CTNNA3: variants seen among roughly 807,000 people sequenced by gnomAD.
CTNNA3 encodes catenin alpha-3.
CTNNA3 carries 76 observed loss-of-function variants against 95.7 expected under a neutral mutation model. The observed-to-expected ratio is 0.79, with a 90% CI of 0.66 to 0.96. CTNNA3 has a LOEUF of 0.96. Ranked by LOEUF, CTNNA3 falls within the 40% of genes least tolerant of loss-of-function variation. The pLI, the probability that CTNNA3 is intolerant of heterozygous loss-of-function variation, is 0.00. For synonymous variants in CTNNA3, 431 were observed against 374.4 expected (o/e 1.15, Z -1.74); for missense variants, 1,191 against 1,089.8 (o/e 1.09, Z -1.31).
intron 13 of CTNNA3, among the ~76,000 whole-genome samples, chr10:66,115,006 A>G (rs1310519811): frequency 2.6e-5 from 4 of 152,208 alleles, no homozygotes; most frequent in Non-Finnish European, 5.9e-5. Context: ...AAGTTGTTAC[A>G]AAACATTTTT....
chr10:66,542,343 G>T (rs1841884189), intron 10 of CTNNA3, among the ~76,000 whole-genome samples: 1 of 151,962 alleles, frequency 6.6e-6, no homozygotes, highest in Non-Finnish European at 1.5e-5. Flanking sequence ...ATTCCTCAGG[G>T]GTCTAGAACT....
chr10:66,611,990 T>C (rs1056646634), intron 10 of CTNNA3, among the ~76,000 whole-genome samples: 1 of 152,134 alleles, frequency 6.6e-6, no homozygotes, highest in East Asian at 1.9e-4. Context: ...CATCTCAACC[T>C]GGATCTTCTG....
chr10:66,796,292 T>G (rs1458339790), intron 7 of CTNNA3, among the ~76,000 whole-genome samples: 1 of 152,096 alleles, frequency 6.6e-6, no homozygotes, highest in African/African-American at 2.4e-5. Flanking sequence ...GGTTATTAAT[T>G]GACCTAATTT....
intron 1 of CTNNA3, among the ~76,000 whole-genome samples, chr10:67,674,286 T>C (rs983397350): frequency 7.2e-5 from 11 of 151,934 alleles, no homozygotes; most frequent in African/African-American, 2.4e-4. Flanking sequence ...AATGTGCACA[T>C]AGAGGGGCAA....
At chr10:66,820,642 TAA>T (rs58323145) in intron 7 of CTNNA3, among the ~76,000 whole-genome samples, 4,370 of 129,394 alleles carry the variant, frequency 0.034, 236 homozygotes, top group East Asian at 0.27. Context: ...GAAGTGAAAG[TAA>T]AAAAAAAAAA....
At chr10:67,386,009 C>T (rs1844146564) in intron 5 of CTNNA3, among the ~76,000 whole-genome samples, 1 of 152,122 alleles carries the variant, frequency 6.6e-6, no homozygotes, top group African/African-American at 2.4e-5. Flanking sequence ...ATACCATCAC[C>T]TTATCTGCTT....
At chr10:66,746,977 T>A (rs777319619) in intron 9 of CTNNA3, among the ~76,000 whole-genome samples, 15 of 152,198 alleles carry the variant, frequency 9.9e-5, no homozygotes, top group Non-Finnish European at 1.8e-4. Context: ...TATAGATTTT[T>A]AGTCAGTAAT....
chr10:66,156,956 G>A (rs2084539666), intron 13 of CTNNA3, among the ~76,000 whole-genome samples: 1 of 151,904 alleles, frequency 6.6e-6, no homozygotes, highest in Admixed American at 6.6e-5. Context: ...ACAGACTGAT[G>A]AGGAGGACGT....
At chr10:67,643,006 A>C (rs1158707134) in intron 2 of CTNNA3, among the ~76,000 whole-genome samples, 1 of 152,082 alleles carries the variant, frequency 6.6e-6, no homozygotes, top group Non-Finnish European at 1.5e-5. Context: ...ATTCCATTAT[A>C]AAGATACATG....
At position 65,972,794 on chromosome 10, in the gene CTNNA3, C is replaced by T. The variant is rs117801388; in HGVS notation, c.2266-6048G>A. Reference sequence around the variant, plus strand: ...CTCAAAGCAATCTACAGATTCAATGCTATTCCTATCAAGCAACCAACGTCA... The same window carrying T: ...CTCAAAGCAATCTACAGATTCAATGTTATTCCTATCAAGCAACCAACGTCA... On this transcript the variant is annotated intron_variant, in intron 16 of 17. Transcript: ENST00000433211. 6.3e-4 allele frequency among the ~76,000 whole-genome samples: 96 copies of T among 151,728 alleles called. 2 individuals carry two copies. In the East Asian group the frequency reaches 0.017, roughly 26 times the overall value.
intron 9 of CTNNA3, among the ~76,000 whole-genome samples, chr10:66,719,247 T>G (rs997280273): frequency 1.3e-5 from 2 of 152,170 alleles, no homozygotes; most frequent in Non-Finnish European, 2.9e-5. Context: ...ATCTATGTCT[T>G]AATAGTGTTT....
chr10:67,003,043 A>G (rs1319773027), intron 7 of CTNNA3, among the ~76,000 whole-genome samples: 2 of 152,110 alleles, frequency 1.3e-5, no homozygotes, highest in South Asian at 2.1e-4. Context: ...TGCCATGGTT[A>G]TGTTCATAGG....
At chr10:66,561,516 C>G (rs990943280) in intron 10 of CTNNA3, among the ~76,000 whole-genome samples, 1 of 151,942 alleles carries the variant, frequency 6.6e-6, no homozygotes, top group Non-Finnish European at 1.5e-5. Context: ...ACAATAAAAC[C>G]AAGTTCTATG....
intron 9 of CTNNA3, among the ~76,000 whole-genome samples, chr10:66,665,216 CTTCAGCTCAT>C (rs1276919198): frequency 1.0e-4 from 2 of 19,832 alleles, no homozygotes; most frequent in East Asian, 0.038. Context: ...ATGAAGCTTA[CTTCAGCTCAT>C]TTCAGCTCAG....
chr10:67,306,789 A>T (rs1993988), intron 5 of CTNNA3, among the ~76,000 whole-genome samples: 2,113 of 151,906 alleles, frequency 0.014, 44 homozygotes, highest in African/African-American at 0.048. Flanking sequence ...GATTTTTTTA[A>T]AAAAAAATAC....
chr10:66,850,679 G>T (rs1843454560), intron 7 of CTNNA3, among the ~76,000 whole-genome samples: 2 of 150,364 alleles, frequency 1.3e-5, no homozygotes, highest in Non-Finnish European at 3.0e-5. Context: ...TTCAAGCTGG[G>T]TAGAGTATGT....
chr10:67,641,771 A>G (rs1372174033), intron 2 of CTNNA3, among the ~76,000 whole-genome samples: 2 of 152,142 alleles, frequency 1.3e-5, no homozygotes, highest in South Asian at 4.2e-4. Flanking sequence ...AAAACCAAAC[A>G]CCACGTGTTC....
chr10:65,980,205 A>C (rs986548622), intron 16 of CTNNA3, among the ~76,000 whole-genome samples: 11 of 152,152 alleles, frequency 7.2e-5, no homozygotes, highest in Middle Eastern at 3.4e-3. Flanking sequence ...ACCTTTACAT[A>C]CATAAACTAG....
At chr10:67,256,474 G>A (rs539586958) in intron 5 of CTNNA3, among the ~76,000 whole-genome samples, 4 of 152,050 alleles carry the variant, frequency 2.6e-5, no homozygotes, top group South Asian at 2.1e-4. Context: ...AAACCACATC[G>A]CTTCAGCTCC....
Sources: allele counts gnomAD v4.1 joint callset (sites outside exome capture counted in the v4.1 genomes callset), GRCh38; gene constraint gnomAD v4.1.1; transcripts MANE v1.5; gene names NCBI Gene and HGNC (gene_info 2026-07-23, HGNC 2026-07-21).